Variants in CDH4 observed in about 807,000 individuals in gnomAD.
CDH4 encodes cadherin 4, also known as cadherin-4.
In CDH4, 33 loss-of-function variants were observed where a neutral mutation model predicts 86.0. That is an observed-to-expected ratio of 0.38 (90% CI 0.29 to 0.51). The LOEUF is 0.51. Ranked by LOEUF, CDH4 falls within the 20% of genes least tolerant of loss-of-function variation. The pLI is 0.86. For missense variants in CDH4, 1,114 were observed against 1,307.4 expected (o/e 0.85, Z 2.28); for synonymous variants, 555 against 549.4 (o/e 1.01, Z -0.14).
intron 2 of CDH4, among the ~76,000 whole-genome samples, chr20:61,362,114 A>G (rs993551541): frequency 2.2e-4 from 34 of 152,326 alleles, no homozygotes; most frequent in African/African-American, 8.2e-4. Flanking sequence ...AATAGGAGAC[A>G]TTTGGGCTGA....
chr20:61,741,273 G>C (rs2088329704), intron 2 of CDH4, among the ~76,000 whole-genome samples: 1 of 152,142 alleles, frequency 6.6e-6, no homozygotes, highest in Non-Finnish European at 1.5e-5. Flanking sequence ...CGGTCCCCCG[G>C]GCATCACTTC....
intron 2 of CDH4, among the ~76,000 whole-genome samples, chr20:61,675,208 G>C (rs374793512): frequency 6.6e-6 from 1 of 152,224 alleles, no homozygotes. Context: ...AGGGTTAGAC[G>C]GTGTTGTGCC....
At chr20:61,601,309 C>T (rs1374968635) in intron 2 of CDH4, among the ~76,000 whole-genome samples, 1 of 152,160 alleles carries the variant, frequency 6.6e-6, no homozygotes, top group Non-Finnish European at 1.5e-5. Flanking sequence ...AAGGGATCCC[C>T]ATGACCCAAC....
At chr20:61,897,387 CA>C (rs1985179802) in intron 8 of CDH4, among the ~76,000 whole-genome samples, 1 of 152,104 alleles carries the variant, frequency 6.6e-6, no homozygotes, top group South Asian at 2.1e-4. Context: ...CCTAGTGGAC[CA>C]GCCACAAGCA....
At chr20:61,566,207 C>A (rs1013071300) in intron 2 of CDH4, among the ~76,000 whole-genome samples, 5 of 152,260 alleles carry the variant, frequency 3.3e-5, no homozygotes, top group Non-Finnish European at 7.3e-5. Context: ...ATGTGGCTGA[C>A]TCCTCCGCTG....
chr20:61,381,161 G>A (rs999237268), intron 2 of CDH4, among the ~76,000 whole-genome samples: 1 of 152,114 alleles, frequency 6.6e-6, no homozygotes, highest in Non-Finnish European at 1.5e-5. Flanking sequence ...AATGAGGCTC[G>A]GGGTGCCTGC....
chr20:61,527,835 A>G, intron 2 of CDH4, among the ~76,000 whole-genome samples: 1 of 151,996 alleles, frequency 6.6e-6, no homozygotes, highest in East Asian at 1.9e-4. Context: ...CAACATGACA[A>G]GACGGTCTGT....
At chr20:61,698,487 T>C (rs2087739210) in intron 2 of CDH4, among the ~76,000 whole-genome samples, 1 of 152,234 alleles carries the variant, frequency 6.6e-6, no homozygotes, top group Non-Finnish European at 1.5e-5. Flanking sequence ...TTCCCGGGGC[T>C]GGTGACTGCA....
In CDH4 at chr20:61,703,138, C is replaced by T. The variant is rs55698727; in HGVS notation, c.170-40425C>T. On this transcript the variant is annotated intron_variant, in intron 2 of 15. Transcript: ENST00000614565. The surrounding 1 kb of genome is among the most constrained non-coding windows in gnomAD (Gnocchi z 4.3). Reference sequence around the variant, plus strand: ...AGGGGGCCACGGGATGTTAGAAATGCGGCAGAGACCAAGCTGTGATCAGAA... The same window carrying T: ...AGGGGGCCACGGGATGTTAGAAATGTGGCAGAGACCAAGCTGTGATCAGAA... Among the ~76,000 whole-genome samples the T allele has an allele frequency of 2.0e-5, 3 of 152,140 alleles. No homozygotes were observed. Among genetic ancestry groups the T allele is most frequent in the Admixed American group, 6.5e-5 (1 of 15,282 alleles).
chr20:61,668,115 C>G (rs867502346), intron 2 of CDH4, among the ~76,000 whole-genome samples: 2 of 152,176 alleles, frequency 1.3e-5, no homozygotes, highest in Non-Finnish European at 2.9e-5. Context: ...ATTCTCCAAC[C>G]CTAAGAGAAG....
intron 2 of CDH4, among the ~76,000 whole-genome samples, chr20:61,710,072 A>C (rs939558987): frequency 6.6e-6 from 1 of 151,900 alleles, no homozygotes; most frequent in African/African-American, 2.4e-5. Flanking sequence ...GGAATGCAGA[A>C]TCCTCAATAA....
At chr20:61,749,761 T>C (rs2088465948) in intron 3 of CDH4, among the ~76,000 whole-genome samples, 1 of 152,186 alleles carries the variant, frequency 6.6e-6, no homozygotes, top group Admixed American at 6.5e-5. Context: ...TATTACAAGA[T>C]AAAGAAGGCA....
At chr20:61,802,973 A>G (rs1197516056) in intron 4 of CDH4, among the ~76,000 whole-genome samples, 1 of 152,206 alleles carries the variant, frequency 6.6e-6, no homozygotes, top group Non-Finnish European at 1.5e-5. Flanking sequence ...CCAACATGGC[A>G]GCTGGGGAGG....
rs140434398 is a variant in CDH4 at position 61,787,354 on chromosome 20, C to G, written c.576+14172C>G. ...ATGGTGGAAGGGGAAGCAAATATGC[C>G]CTTCTTCACATGATGGCAGAAAGGA... is the stretch of plus-strand genomic sequence containing the variant. On this transcript the variant is annotated intron_variant, in intron 4 of 15. Coordinates refer to ENST00000614565, the MANE Select transcript of CDH4 (RefSeq NM_001794.5). Among the ~76,000 whole-genome samples, 649 of 152,226 alleles carry G rather than the reference C, an allele frequency of 4.3e-3. 6 individuals are homozygous for G. The highest frequency in any genetic ancestry group is 0.015 in the African/African-American group (621 of 41,532).
chr20:61,812,125 C>T (rs1309991658), intron 4 of CDH4, among the ~76,000 whole-genome samples: 1 of 152,032 alleles, frequency 6.6e-6, no homozygotes, highest in Non-Finnish European at 1.5e-5. Flanking sequence ...AGGGTGGCTG[C>T]CTAAGCTTCA....
chr20:61,877,378 C>T (rs1405447564), intron 7 of CDH4, among the ~76,000 whole-genome samples: 1 of 141,626 alleles, frequency 7.1e-6, no homozygotes, highest in Non-Finnish European at 1.6e-5. Flanking sequence ...CCCCCCACCC[C>T]CCGCTGTCGG....
intron 4 of CDH4, among the ~76,000 whole-genome samples, chr20:61,812,357 G>A (rs937141131): frequency 2.0e-5 from 3 of 152,214 alleles, no homozygotes; most frequent in South Asian, 4.1e-4. Context: ...TGGGCCTGCC[G>A]GGTGGGGCTG....
rs1476026263 is a variant in CDH4 at position 61,252,767 on chromosome 20, G to A, written c.57+197G>A. On this transcript the variant is annotated intron_variant, in intron 1 of 15. Coordinates refer to ENST00000614565, the MANE Select transcript of CDH4 (RefSeq NM_001794.5). The surrounding 1 kb of genome is among the most constrained non-coding windows in gnomAD (Gnocchi z 4.4). Reference sequence around the variant, plus strand: ...AGGAGCGGGAAGCCGCCTGGGCAGCGGGGAGCGGCGGAGCAGGGTGGGAGT... The same window carrying A: ...AGGAGCGGGAAGCCGCCTGGGCAGCAGGGAGCGGCGGAGCAGGGTGGGAGT... Among the ~76,000 whole-genome samples, 1 of 151,670 alleles carries A rather than the reference G, an allele frequency of 6.6e-6. No individual in the cohort carries two copies. The highest frequency in any genetic ancestry group is 1.5e-5 in the Non-Finnish European group (1 of 67,772).
chr20:61,728,451 A>G (rs1378033820), intron 2 of CDH4, among the ~76,000 whole-genome samples: 1 of 152,084 alleles, frequency 6.6e-6, no homozygotes, highest in African/African-American at 2.4e-5. Context: ...CCATGTCTGG[A>G]ATGAGCAGGA....
Sources: gnomAD v4.1 joint callset for allele counts (sites outside exome capture counted in the v4.1 genomes callset) on GRCh38, gnomAD v4.1.1 for gene constraint, Gnocchi (gnomAD v3.1) non-coding constraint, MANE v1.5 for transcripts, NCBI Gene and HGNC (gene_info 2026-07-23, HGNC 2026-07-21) for gene names.